RPS6KC1: variants seen among roughly 807,000 people sequenced by gnomAD.
RPS6KC1 encodes ribosomal protein S6 kinase C1, also known as inactive ribosomal protein S6 kinase delta-1.
A neutral mutation model predicts 103.8 loss-of-function variants in RPS6KC1; 54 were observed. The ratio of observed to expected loss-of-function variants is 0.52; its 90% CI spans 0.42 to 0.65. The LOEUF (loss-of-function observed/expected upper bound fraction) is 0.65, where lower values mean the gene tolerates loss of function less well. Among genes scored for constraint, RPS6KC1 ranks in the 30% least tolerant of loss-of-function variants. The pLI is 0.00. For synonymous variants in RPS6KC1, 439 were observed against 438.7 expected (o/e 1.00, Z -0.01); for missense variants, 1,151 against 1,253.8 (o/e 0.92, Z 1.24).
the RPS6KC1 span, among the ~76,000 whole-genome samples, chr1:213,479,857 C>T: frequency 9.1e-4 from 139 of 151,980 alleles, no homozygotes; most frequent in Middle Eastern, 0.01. Flanking sequence ...TTTCCAATCT[C>T]ACCTAATGGT....
chr1:213,392,403 G>C, the RPS6KC1 span, among the ~76,000 whole-genome samples: 1 of 152,208 alleles, frequency 6.6e-6, no homozygotes, highest in African/African-American at 2.4e-5. Flanking sequence ...TACAAGCAGA[G>C]ATGGATTGGC....
the RPS6KC1 span, among the ~76,000 whole-genome samples, chr1:213,407,349 T>C: frequency 3.3e-5 from 5 of 152,186 alleles, no homozygotes; most frequent in South Asian, 1.0e-3. Flanking sequence ...TGGAATGGAT[T>C]AAAGGGGCCC....
chr1:213,190,350 T>C lies in RPS6KC1; in HGVS notation c.1044+13858T>C, dbSNP rs545919142. Among the ~76,000 whole-genome samples the C allele has an allele frequency of 5.3e-5, 8 of 152,320 alleles. No individual in the cohort carries two copies. The East Asian group carries it at 1.5e-3, about 29-fold the overall frequency. ...ACTTTTGGATAAAGGCCATTTTAACTGGGGTGAGATGATGTCTAATTATAG... is the reference window on the plus strand; with the variant it reads ...ACTTTTGGATAAAGGCCATTTTAACCGGGGTGAGATGATGTCTAATTATAG... On this transcript the variant is annotated intron_variant, in intron 8 of 14. Coordinates refer to ENST00000366960, the MANE Select transcript of RPS6KC1 (RefSeq NM_012424.6).
the RPS6KC1 span, among the ~76,000 whole-genome samples, chr1:213,526,528 G>A: frequency 6.6e-6 from 1 of 152,200 alleles, no homozygotes; most frequent in Admixed American, 6.5e-5. Flanking sequence ...AGCAAGTATA[G>A]CGGAGGGAGA....
chr1:213,758,890 G>A, the RPS6KC1 span, among the ~76,000 whole-genome samples: 1 of 152,214 alleles, frequency 6.6e-6, no homozygotes, highest in African/African-American at 2.4e-5. Context: ...TGTGAACATT[G>A]TTGAGCTGAC....
At chr1:213,804,173 T>TAAAAAAAA in the RPS6KC1 span, among the ~76,000 whole-genome samples, 9 of 57,848 alleles carry the variant, frequency 1.6e-4, no homozygotes, top group African/African-American at 5.6e-4. Flanking sequence ...TGGCTAATCT[T>TAAAAAAAA]AAAAAAAAAA....
the RPS6KC1 span, among the ~76,000 whole-genome samples, chr1:213,406,252 C>G: frequency 1.3e-5 from 2 of 152,204 alleles, no homozygotes; most frequent in Non-Finnish European, 2.9e-5. Context: ...CTGAGATGCT[C>G]TCTCATGGGC....
At chr1:213,215,942 C>T (rs1391925304) in intron 8 of RPS6KC1, among the ~76,000 whole-genome samples, 1 of 152,152 alleles carries the variant, frequency 6.6e-6, no homozygotes, top group African/African-American at 2.4e-5. Flanking sequence ...TTGTGAAGAC[C>T]ATTGAGGCTA....
the RPS6KC1 span, among the ~76,000 whole-genome samples, chr1:213,292,117 G>A: frequency 6.6e-6 from 1 of 152,058 alleles, no homozygotes; most frequent in Non-Finnish European, 1.5e-5. Context: ...GGGGTAGGGG[G>A]TAGGTATAGC....
the RPS6KC1 span, among the ~76,000 whole-genome samples, chr1:213,635,357 G>A: frequency 6.6e-6 from 1 of 152,234 alleles, no homozygotes; most frequent in East Asian, 1.9e-4. Context: ...AATGAACATC[G>A]ATGTGAAAAT....
the RPS6KC1 span, among the ~76,000 whole-genome samples, chr1:213,835,505 C>T: frequency 6.6e-6 from 1 of 152,114 alleles, no homozygotes; most frequent in Non-Finnish European, 1.5e-5. Flanking sequence ...GCGGAAGTCC[C>T]CTGGAGAGCC....
At chr1:213,311,327 A>G in the RPS6KC1 span, among the ~76,000 whole-genome samples, 3 of 151,778 alleles carry the variant, frequency 2.0e-5, no homozygotes, top group South Asian at 2.1e-4. Context: ...TTTAGTAGAG[A>G]CGGGGTTTCA....
At chr1:213,683,933 T>C in the RPS6KC1 span, among the ~76,000 whole-genome samples, 1 of 152,140 alleles carries the variant, frequency 6.6e-6, no homozygotes, top group African/African-American at 2.4e-5. Context: ...GGCACCACTT[T>C]ATAGCCATAA....
At chr1:213,413,993 CCT>C in the RPS6KC1 span, among the ~76,000 whole-genome samples, 2 of 152,282 alleles carry the variant, frequency 1.3e-5, no homozygotes, top group South Asian at 4.2e-4. Context: ...GTCTGTCTGT[CCT>C]CTGTGGTTGA....
intron 7 of RPS6KC1, among the ~76,000 whole-genome samples, chr1:213,172,022 GTTAT>G (rs1232209395): frequency 2.6e-5 from 4 of 152,236 alleles, no homozygotes; most frequent in East Asian, 1.9e-4. Flanking sequence ...TCTCTCTCAG[GTTAT>G]TTGAGGAGTA....
the RPS6KC1 span, among the ~76,000 whole-genome samples, chr1:213,677,825 G>A: frequency 6.6e-6 from 1 of 152,026 alleles, no homozygotes; most frequent in Non-Finnish European, 1.5e-5. Context: ...GGCCAAGATG[G>A]TGGAACCTTG....
At chr1:213,565,229 A>G in the RPS6KC1 span, among the ~76,000 whole-genome samples, 1 of 92,518 alleles carries the variant, frequency 1.1e-5, no homozygotes, top group Admixed American at 9.9e-5. Flanking sequence ...ATAAATGTAC[A>G]CACCTACGCC....
At chr1:213,709,343 T>C in the RPS6KC1 span, among the ~76,000 whole-genome samples, 3 of 152,186 alleles carry the variant, frequency 2.0e-5, no homozygotes, top group Admixed American at 2.0e-4. Context: ...TGCATAGAGG[T>C]GTTTATAGTA....
At chr1:213,702,973 T>A in the RPS6KC1 span, among the ~76,000 whole-genome samples, 1 of 152,126 alleles carries the variant, frequency 6.6e-6, no homozygotes, top group Non-Finnish European at 1.5e-5. Context: ...ACCATTTTGT[T>A]ATTTGTTTCC....
Sources: gnomAD v4.1 joint callset for allele counts (sites outside exome capture counted in the v4.1 genomes callset) on GRCh38, gnomAD v4.1.1 for gene constraint, MANE v1.5 for transcripts, NCBI Gene and HGNC (gene_info 2026-07-23, HGNC 2026-07-21) for gene names.